NCS1: variants seen among roughly 807,000 people sequenced by gnomAD.
NCS1 encodes neuronal calcium sensor 1.
NCS1 carries 6 observed loss-of-function variants against 28.4 expected under a neutral mutation model. The ratio of observed to expected loss-of-function variants is 0.21; its 90% CI spans 0.12 to 0.42. NCS1 has a LOEUF of 0.42. Among genes scored for constraint, NCS1 ranks in the 10% least tolerant of loss-of-function variants. The pLI, the probability that NCS1 is intolerant of heterozygous loss-of-function variation, is 1.00. For synonymous variants in NCS1, 86 were observed against 99.3 expected, an observed-to-expected ratio of 0.87 and a Z score of 0.79; for missense variants, 131 against 241.4, an observed-to-expected ratio of 0.54 and a Z score of 3.03.
intron 7 of NCS1, among the ~76,000 whole-genome samples, chr9:130,227,900 G>T (rs1833438868): frequency 6.6e-6 from 1 of 152,176 alleles, no homozygotes; most frequent in African/African-American, 2.4e-5. Flanking sequence ...CCCTGTTCTA[G>T]GAAACTTCTC....
chr9:130,223,286 G>A (rs1433458054), intron 6 of NCS1, 127 bp downstream of exon 6: 12 of 789,390 alleles, frequency 1.5e-5, no homozygotes, highest in Non-Finnish European at 2.1e-5. Context: ...CAGGCGGCAC[G>A]GTGTCCTATC....
chr9:130,191,748 A>G lies in NCS1; in HGVS notation c.65-9210A>G, dbSNP rs1203582231. 6.6e-6 allele frequency among the ~76,000 whole-genome samples: 1 copy of G among 152,228 alleles called. No homozygotes were observed. Among genetic ancestry groups the G allele is most frequent in the Non-Finnish European group, 1.5e-5 (1 of 68,030 alleles). On this transcript the variant is annotated intron_variant, in intron 1 of 7. Transcript: ENST00000372398. This position sits in a 1 kb window ranked among gnomAD's most constrained non-coding sequence, Gnocchi z 6.4. ...CCGTCACAGCTGCTCACTGCTGCAC[A>G]TGGCGGTCTGATGGCCCTGGTGGGC...
chr9:130,187,386 G>A (rs1241467563), intron 1 of NCS1, among the ~76,000 whole-genome samples: 3 of 152,124 alleles, frequency 2.0e-5, no homozygotes, highest in Admixed American at 2.0e-4. Flanking sequence ...TCAGGGCCGA[G>A]CCTCCACCCT....
rs569681375 is a variant in NCS1, at chr9:130,202,353, CACCCCCT to C, written c.89+1372_89+1378del. The stretch of plus-strand genomic sequence containing the variant: ...CTGTTACCTCCTCGCCCCTCCCCCC[CACCCCCT>C]GAAACCCCCCAGGCCTCTGTCAGAG... On this transcript the variant is annotated intron_variant, in intron 2 of 7. Transcript: ENST00000372398. Among the ~76,000 whole-genome samples, 181 of 144,312 alleles carry C rather than the reference CACCCCCT, an allele frequency of 1.3e-3. 1 individual carries two copies. The highest frequency in any genetic ancestry group is 4.5e-3 in the African/African-American group (177 of 39,520). The allele number at this position is 144,312 out of a possible 152,430, so 94.7% of individuals were successfully genotyped here.
chr9:130,173,206 G>T (rs892316635), intron 1 of NCS1, among the ~76,000 whole-genome samples: 1 of 151,916 alleles, frequency 6.6e-6, no homozygotes, highest in Non-Finnish European at 1.5e-5. Flanking sequence ...GTGTGGGGGG[G>T]GGGGTGGCGA....
chr9:130,205,704 G>A (rs1833015544), intron 2 of NCS1, among the ~76,000 whole-genome samples: 1 of 151,630 alleles, frequency 6.6e-6, no homozygotes, highest in African/African-American at 2.4e-5. Context: ...TGGACATGGT[G>A]GCACATGCCT....
rs916680788 is a variant in NCS1 at position 130,186,251 on chromosome 9, C to T, written c.64+13524C>T. 6.6e-6 allele frequency among the ~76,000 whole-genome samples: 1 copy of T among 152,214 alleles called. No individual in the cohort carries two copies. Among genetic ancestry groups the T allele is most frequent in the East Asian group, 1.9e-4 (1 of 5,170 alleles). ...GGCCCTGCTGGCATTCACAGTTTGG[C>T]GGGGAGGCAGATGTCAGGCTGGGAT... On this transcript the variant is annotated intron_variant, in intron 1 of 7. Coordinates refer to ENST00000372398, the MANE Select transcript of NCS1 (RefSeq NM_014286.4). This position sits in a 1 kb window ranked among gnomAD's most constrained non-coding sequence, Gnocchi z 4.1.
chr9:130,198,281 G>C (rs1165504621), intron 1 of NCS1, among the ~76,000 whole-genome samples: 1 of 152,162 alleles, frequency 6.6e-6, no homozygotes, highest in Non-Finnish European at 1.5e-5. Context: ...CAGAGACTGA[G>C]GCAGAGCCCT....
intron 6 of NCS1, among the ~76,000 whole-genome samples, chr9:130,225,358 T>C (rs1554911247): frequency 6.6e-6 from 1 of 152,264 alleles, no homozygotes; most frequent in South Asian, 2.1e-4. Context: ...AGAGACGTGC[T>C]GGCCTCAGAC....
At chr9:130,188,492 G>GGCTCGATCTCA (rs1401489037) in intron 1 of NCS1, among the ~76,000 whole-genome samples, 1 of 150,014 alleles carries the variant, frequency 6.7e-6, no homozygotes, top group Non-Finnish European at 1.5e-5. Context: ...GCTCGATCTC[G>GGCTCGATCTCA]GCGGAGCCTC....
chr9:130,224,097 C>T (rs1024630518), intron 6 of NCS1, among the ~76,000 whole-genome samples: 1 of 151,248 alleles, frequency 6.6e-6, no homozygotes, highest in East Asian at 2.0e-4. Flanking sequence ...CCACCAGCCT[C>T]GGCCTCCCAA....
At chr9:130,220,992 C>T (rs1303699480) in intron 4 of NCS1, among the ~76,000 whole-genome samples, 11 of 151,936 alleles carry the variant, frequency 7.2e-5, no homozygotes, top group Admixed American at 7.2e-4. Flanking sequence ...GATACCTCGG[C>T]CCTGGCAGCC....
rs140421171 is a variant in NCS1, at chr9:130,218,151, GAC to G, written c.228+187_228+188del. Among the ~76,000 whole-genome samples the G allele has an allele frequency of 7.7e-4, 117 of 152,312 alleles. 1 individual carries two copies. In the East Asian group the frequency reaches 0.021, roughly 27 times the overall value. ...AAATGCATGCACATGTACACATGCA[GAC>G]ACACAATAAACACAGATGCATCCAA... On this transcript the variant is annotated intron_variant, in intron 3 of 7. Coordinates refer to ENST00000372398, the MANE Select transcript of NCS1 (RefSeq NM_014286.4).
intron 6 of NCS1, among the ~76,000 whole-genome samples, chr9:130,225,213 A>G (rs188218548): frequency 6.6e-6 from 1 of 152,342 alleles, no homozygotes; most frequent in African/African-American, 2.4e-5. Context: ...CGATCAGTCA[A>G]TCATAGAAAT....
intron 7 of NCS1, among the ~76,000 whole-genome samples, chr9:130,230,812 C>A (rs1253289734): frequency 1.3e-5 from 2 of 152,080 alleles, no homozygotes; most frequent in South Asian, 2.1e-4. Flanking sequence ...CCCCCACCCC[C>A]ACTCTTGTGA....
chr9:130,210,545 G>A (rs1270555503), intron 2 of NCS1, among the ~76,000 whole-genome samples: 1 of 152,166 alleles, frequency 6.6e-6, no homozygotes, highest in Non-Finnish European at 1.5e-5. Context: ...TGGCTCTGGT[G>A]TTTGTGGAGG....
chr9:130,187,099 AG>A (rs1322250078), intron 1 of NCS1, among the ~76,000 whole-genome samples: 1 of 152,052 alleles, frequency 6.6e-6, no homozygotes, highest in Non-Finnish European at 1.5e-5. Context: ...CTGACCCAGC[AG>A]GGCAAGGGCT....
In NCS1 at chr9:130,217,900, A is replaced by G; in HGVS notation, c.158A>G (p.Lys53Arg). The change falls in exon 3 of 8, where the codon AAG (lysine) becomes AGG (arginine). Residue 53 changes from lysine (K) to arginine (R), a missense_variant. Transcript: ENST00000372398. ...GCGGCAGGCTTCCAGAAGATCTACA[A>G]GCAATTCTTCCCGTTCGGAGACCCC... ...LDAAGFQKIY[K>R]QFFPFGDPTK... 1 of 1,614,016 alleles carries G rather than the reference A, an allele frequency of 6.2e-7. No homozygotes were observed. The highest frequency in any genetic ancestry group is 8.5e-7 in the Non-Finnish European group (1 of 1,179,990).
chr9:130,214,791 T>TG lies in NCS1; in HGVS notation c.90-3035dup, dbSNP rs1833160969. ...GCACCCTCTCATGGACATCACCTCA[T>TG]GGGGGGCTTCTTGGGGCCCCTGCTA... On this transcript the variant is annotated intron_variant, in intron 2 of 7. Transcript: ENST00000372398. Among the ~76,000 whole-genome samples the TG allele has an allele frequency of 2.0e-5, 3 of 152,044 alleles. No individual in the cohort carries two copies. In the South Asian group the frequency reaches 6.2e-4, roughly 31 times the overall value.
Sources: gnomAD v4.1 joint callset for allele counts (sites outside exome capture counted in the v4.1 genomes callset) on GRCh38, gnomAD v4.1.1 for gene constraint, Gnocchi (gnomAD v3.1) non-coding constraint, MANE v1.5 for transcripts, NCBI Gene and HGNC (gene_info 2026-07-23, HGNC 2026-07-21) for gene names.